Variants in SEPTIN14 observed in about 807,000 individuals in gnomAD.
SEPTIN14 encodes septin-14.
In SEPTIN14, 40 loss-of-function variants were observed where a neutral mutation model predicts 53.6. The observed-to-expected ratio is 0.75, with a 90% CI of 0.58 to 0.97. SEPTIN14 has a LOEUF of 0.97. Ranked by LOEUF, SEPTIN14 falls within the 50% of genes least tolerant of loss-of-function variation. The probability of loss-of-function intolerance (pLI) is 0.00; values close to 1 mark genes in which losing one functional copy is unlikely to be tolerated. For missense variants in SEPTIN14, 471 were observed against 508.2 expected (o/e 0.93, Z 0.70); for synonymous variants, 138 against 166.8 (o/e 0.83, Z 1.33).
At chr7:55,806,099 C>T (rs1388302707) in intron 8 of SEPTIN14, among the ~76,000 whole-genome samples, 2 of 152,174 alleles carry the variant, frequency 1.3e-5, no homozygotes, top group South Asian at 2.1e-4. Flanking sequence ...CAGGTTCAAG[C>T]GATTCTCCTG....
intron 2 of SEPTIN14, among the ~76,000 whole-genome samples, chr7:55,856,487 G>A (rs1046819352): frequency 6.6e-6 from 1 of 151,790 alleles, no homozygotes; most frequent in Non-Finnish European, 1.5e-5. Flanking sequence ...CGCCTCCCAG[G>A]TTCAAGCGAT....
intron 7 of SEPTIN14, among the ~76,000 whole-genome samples, chr7:55,809,492 A>T (rs1480276281): frequency 6.6e-6 from 1 of 151,288 alleles, no homozygotes; most frequent in African/African-American, 2.4e-5. Flanking sequence ...AGTAGCTGGG[A>T]TTACAGGAGC....
chr7:55,841,258 G>T lies in SEPTIN14; in HGVS notation c.558+1684C>A, dbSNP rs192287136. On this transcript the variant is annotated intron_variant, in intron 5 of 9. Transcript: ENST00000388975. ...TCTGGATTCAGGGGATATATGTGCA[G>T]GTTTGTTACTTACATATATTGAATA... Among the ~76,000 whole-genome samples the T allele has an allele frequency of 2.8e-3, 424 of 152,194 alleles. 5 individuals are homozygous for T. Among genetic ancestry groups the T allele is most frequent in the Middle Eastern group, 0.01 (3 of 294 alleles).
Position 55,811,282 on chromosome 7 carries a change from G to C in SEPTIN14, c.818-4024C>G, listed in dbSNP as rs114066684. 10 of 517,378 alleles carry C rather than the reference G, an allele frequency of 1.9e-5. No homozygotes were observed. In the African/African-American group the frequency reaches 1.9e-4, roughly 10 times the overall value. The allele number at this position is 517,378 out of a possible 1,614,324, so 32.0% of individuals were successfully genotyped here. A position where few individuals can be genotyped will look rare whatever the true frequency, so the allele number is the denominator to read the frequency against. The stretch of plus-strand genomic sequence containing the variant: ...TTATCCACCTCCTTGAAGAGGTTCT[G>C]CCTGTCAGACTCAATTGGCTTGATT... On this transcript the variant is annotated intron_variant, in intron 7 of 9. Transcript: ENST00000388975.
intron 2 of SEPTIN14, chr7:55,850,755 A>C (rs34450397): frequency 0.059 from 8,911 of 152,108 alleles, 489 homozygotes; most frequent in East Asian, 0.24. Context: ...ATATACACAA[A>C]TATAGAGGTA....
chr7:55,813,184 AG>A (rs1788732327), intron 7 of SEPTIN14, among the ~76,000 whole-genome samples: 2 of 152,118 alleles, frequency 1.3e-5, no homozygotes, highest in South Asian at 4.1e-4. Context: ...TCCTGACCTC[AG>A]GTGATCCACC....
At chr7:55,825,523 C>T (rs962637038) in intron 6 of SEPTIN14, among the ~76,000 whole-genome samples, 16 of 152,052 alleles carry the variant, frequency 1.1e-4, no homozygotes, top group African/African-American at 3.9e-4. Context: ...CCAATATTGC[C>T]TCATCAAGTG....
At chr7:55,858,969 C>T (rs1210124664) in intron 2 of SEPTIN14, among the ~76,000 whole-genome samples, 1 of 151,928 alleles carries the variant, frequency 6.6e-6, no homozygotes, top group Non-Finnish European at 1.5e-5. Context: ...TTCTATGGTT[C>T]TACATAAGAT....
rs34934744 is a variant in SEPTIN14, at chr7:55,823,888, C to CT, written c.721-4666dup. Among the ~76,000 whole-genome samples the CT allele has an allele frequency of 2.2e-3, 299 of 134,390 alleles. 2 individuals carry two copies. The highest frequency in any genetic ancestry group is 3.9e-3 in the Middle Eastern group (1 of 254). The allele number at this position is 134,390 out of a possible 152,430, so 88.2% of individuals were successfully genotyped here. A position where few individuals can be genotyped will look rare whatever the true frequency, so the allele number is the denominator to read the frequency against. On this transcript the variant is annotated intron_variant, in intron 6 of 9. Coordinates refer to ENST00000388975, the MANE Select transcript of SEPTIN14 (RefSeq NM_207366.3). ...TTCCTTACCTACAGCAAGGTAAATT[C>CT]TTTTTTTTTTTTTTTTGAGAGAGAG...
chr7:55,811,306 T>C (rs1788701612), intron 7 of SEPTIN14: 2 of 512,042 alleles, frequency 3.9e-6, no homozygotes, highest in East Asian at 1.1e-4. Context: ...ATTGGCTTGA[T>C]TCGTATTTCC....
chr7:55,807,332 A>C, intron 7 of SEPTIN14, 74 bp from the exon 8 acceptor site: 1 of 896,478 alleles, frequency 1.1e-6, no homozygotes, highest in Non-Finnish European at 1.7e-6. Flanking sequence ...TCATGAATGA[A>C]TACATGAATA....
intron 2 of SEPTIN14, among the ~76,000 whole-genome samples, chr7:55,848,030 C>T (rs62456621): frequency 0.013 from 1,961 of 152,120 alleles, 14 homozygotes; most frequent in South Asian, 0.017. Flanking sequence ...ATACAAAATA[C>T]CTTTTTATTT....
At chr7:55,830,347 ATATT>A (rs1415538046) in intron 6 of SEPTIN14, among the ~76,000 whole-genome samples, 231 of 50,344 alleles carry the variant, frequency 4.6e-3, no homozygotes, top group Non-Finnish European at 4.7e-3. Context: ...ATATATATAT[ATATT>A]TTTTTTTTTT....
chr7:55,826,357 T>C (rs1277474854), intron 6 of SEPTIN14, among the ~76,000 whole-genome samples: 1 of 152,188 alleles, frequency 6.6e-6, no homozygotes, highest in African/African-American at 2.4e-5. Context: ...GAAAAACATC[T>C]TGTCCCATAT....
At chr7:55,835,606 T>G (rs1400454390) in intron 5 of SEPTIN14, among the ~76,000 whole-genome samples, 1 of 152,178 alleles carries the variant, frequency 6.6e-6, no homozygotes, top group Non-Finnish European at 1.5e-5. Flanking sequence ...CTTCTACTTT[T>G]TACATCACTT....
intron 9 of SEPTIN14, among the ~76,000 whole-genome samples, chr7:55,801,348 G>A (rs779715207): frequency 2.0e-5 from 3 of 151,914 alleles, no homozygotes; most frequent in Non-Finnish European, 4.4e-5. Context: ...AGAAATGAAA[G>A]GTGACACATA....
intron 2 of SEPTIN14, among the ~76,000 whole-genome samples, chr7:55,852,439 A>G (rs1223170856): frequency 2.0e-5 from 3 of 152,220 alleles, no homozygotes; most frequent in Non-Finnish European, 4.4e-5. Flanking sequence ...CAGTGGGGAA[A>G]GAAGAGTCTC....
At chr7:55,831,701 A>G (rs1414885396) in intron 6 of SEPTIN14, among the ~76,000 whole-genome samples, 1 of 152,180 alleles carries the variant, frequency 6.6e-6, no homozygotes, top group Non-Finnish European at 1.5e-5. Flanking sequence ...AGAACAAAAT[A>G]TTTGCAAACT....
Position 55,844,511 on chromosome 7 carries a change from GA to G in SEPTIN14, c.371+11del. The G allele has an allele frequency of 7.1e-7, 1 of 1,416,852 alleles. No homozygotes were observed. The highest frequency in any genetic ancestry group is 9.4e-7 in the Non-Finnish European group (1 of 1,062,100). 87.8% of individuals were successfully genotyped at this position (1,416,852 alleles called of 1,614,324 possible). A position where few individuals can be genotyped will look rare whatever the true frequency, so the allele number is the denominator to read the frequency against. On this transcript the variant is annotated intron_variant, in intron 4 of 9. Transcript: ENST00000388975. ...AGAAAACCTTTTTTAATTTAAATAA[GA>G]AAACACTCACCTGGCTTCTTTGTCT...
Sources: gnomAD v4.1 joint callset for allele counts (sites outside exome capture counted in the v4.1 genomes callset) on GRCh38, gnomAD v4.1.1 for gene constraint, MANE v1.5 for transcripts, NCBI Gene and HGNC (gene_info 2026-07-23, HGNC 2026-07-21) for gene names.